Variants in KIF16B observed in about 807,000 individuals in gnomAD.
KIF16B encodes the protein kinesin family member 16B.
A neutral mutation model predicts 156.3 loss-of-function variants in KIF16B; 98 were observed. The ratio of observed to expected loss-of-function variants is 0.63; its 90% CI spans 0.53 to 0.74. KIF16B has a LOEUF of 0.74. Among genes scored for constraint, KIF16B ranks in the 30% least tolerant of loss-of-function variants. The pLI, the probability that KIF16B is intolerant of heterozygous loss-of-function variation, is 0.00. For synonymous variants in KIF16B, 564 were observed against 583.7 expected (o/e 0.97, Z 0.49); for missense variants, 1,421 against 1,606.5 (o/e 0.88, Z 1.97).
At chr20:16,570,165 A>G (rs1316333868) in intron 1 of KIF16B, among the ~76,000 whole-genome samples, 2 of 152,246 alleles carry the variant, frequency 1.3e-5, no homozygotes, top group African/African-American at 4.8e-5. Flanking sequence ...AATTTTGTAT[A>G]TTAAGGTCAC....
chr20:16,309,890 T>G (rs983307056), intron 25 of KIF16B, among the ~76,000 whole-genome samples: 7 of 152,214 alleles, frequency 4.6e-5, no homozygotes, highest in Non-Finnish European at 7.3e-5. Flanking sequence ...AGGAAATATC[T>G]CATTTGTCTT....
At chr20:16,496,968 T>G (rs763299641) in intron 11 of KIF16B, among the ~76,000 whole-genome samples, 35 of 152,258 alleles carry the variant, frequency 2.3e-4, no homozygotes, top group Admixed American at 1.5e-3. Context: ...TGAACAAAAT[T>G]GACTCCAAAA....
chr20:16,562,525 A>G (rs1310542875), intron 1 of KIF16B, among the ~76,000 whole-genome samples: 1 of 152,152 alleles, frequency 6.6e-6, no homozygotes, highest in East Asian at 1.9e-4. Flanking sequence ...TACGGATCCC[A>G]ATCCCTCACG....
At chr20:16,491,344 G>A (rs62199776) in intron 12 of KIF16B, among the ~76,000 whole-genome samples, 1,917 of 152,248 alleles carry the variant, frequency 0.013, 28 homozygotes, top group Middle Eastern at 0.078. Flanking sequence ...GTAGGGGCCA[G>A]GCAAAGAAGT....
intron 12 of KIF16B, among the ~76,000 whole-genome samples, chr20:16,477,010 G>A (rs1445480963): frequency 1.3e-5 from 2 of 152,074 alleles, no homozygotes; most frequent in Non-Finnish European, 2.9e-5. Flanking sequence ...GCCTCCCAAA[G>A]TGCTGGGATT....
chr20:16,515,074 G>A (rs2147079490), intron 4 of KIF16B, among the ~76,000 whole-genome samples: 1 of 151,726 alleles, frequency 6.6e-6, no homozygotes, highest in East Asian at 1.9e-4. Context: ...TTATAAATAT[G>A]TAAATTATAT....
At chr20:16,366,238 G>T (rs1301253113) in intron 22 of KIF16B, among the ~76,000 whole-genome samples, 1 of 152,054 alleles carries the variant, frequency 6.6e-6, no homozygotes, top group East Asian at 1.9e-4. Context: ...GAGAAGGGAG[G>T]CCAGCAAACT....
At position 16,334,445 on chromosome 20, in the gene KIF16B, A is replaced by T. The variant is rs937035203; in HGVS notation, c.3711+1481T>A. On this transcript the variant is annotated intron_variant, in intron 24 of 25. Coordinates refer to ENST00000354981, the MANE Select transcript of KIF16B (RefSeq NM_024704.5). ...TTGATTTTGATGTTATTACTGTTAC[A>T]AGAAGCCTCTTGGGAACAAATTCCC... is the stretch of plus-strand genomic sequence containing the variant. Among the ~76,000 whole-genome samples, 6 of 152,252 alleles carry T rather than the reference A, an allele frequency of 3.9e-5. No individual in the cohort carries two copies. In the East Asian group the frequency reaches 1.2e-3, roughly 29 times the overall value.
intron 17 of KIF16B, among the ~76,000 whole-genome samples, chr20:16,400,324 A>T (rs1415020354): frequency 6.6e-6 from 1 of 152,256 alleles, no homozygotes; most frequent in Admixed American, 6.5e-5. Context: ...ACTGCCTCAC[A>T]CACATTTTGA....
chr20:16,466,518 C>A (rs910888156), intron 12 of KIF16B, among the ~76,000 whole-genome samples: 3 of 152,134 alleles, frequency 2.0e-5, no homozygotes, highest in Non-Finnish European at 4.4e-5. Context: ...ATAAGTCTCA[C>A]GAGATCTGAT....
chr20:16,410,660 TG>T lies in KIF16B; in HGVS notation c.1613-4205del, dbSNP rs2065930845. Among the ~76,000 whole-genome samples the T allele has an allele frequency of 3.3e-5, 5 of 152,224 alleles. No individual in the cohort carries two copies. In the South Asian group the frequency reaches 1.0e-3, roughly 32 times the overall value. On this transcript the variant is annotated intron_variant, in intron 15 of 25. Coordinates refer to ENST00000354981, the MANE Select transcript of KIF16B (RefSeq NM_024704.5). ...AAGGTGCCACTATCTGAGCCACCCA[TG>T]TGGACAATCTGCAGTTGCTTAGCAT...
intron 24 of KIF16B, among the ~76,000 whole-genome samples, chr20:16,331,630 T>C (rs1326550643): frequency 2.0e-5 from 3 of 152,236 alleles, no homozygotes; most frequent in Non-Finnish European, 2.9e-5. Flanking sequence ...AATAGTCTTC[T>C]ACTTCCACAG....
chr20:16,275,114 C>A (rs952777604), intron 25 of KIF16B, among the ~76,000 whole-genome samples: 4 of 147,870 alleles, frequency 2.7e-5, no homozygotes, highest in African/African-American at 1.0e-4. Context: ...AGTGCAGTGG[C>A]GCGATCTCAG....
At chr20:16,559,595 C>A (rs2070983160) in intron 1 of KIF16B, among the ~76,000 whole-genome samples, 1 of 144,520 alleles carries the variant, frequency 6.9e-6, no homozygotes. Flanking sequence ...ATAAGGAGAC[C>A]CCATCTCTAC....
chr20:16,448,839 G>T (rs2067003194), intron 12 of KIF16B, among the ~76,000 whole-genome samples: 1 of 150,852 alleles, frequency 6.6e-6, no homozygotes, highest in South Asian at 2.1e-4. Context: ...GCTAGTCCAA[G>T]AAAACATGAC....
At chr20:16,494,007 G>A (rs991512602) in intron 12 of KIF16B, among the ~76,000 whole-genome samples, 7 of 152,066 alleles carry the variant, frequency 4.6e-5, no homozygotes, top group Admixed American at 2.0e-4. Flanking sequence ...GTTCTAATAT[G>A]TGCTGAGTCA....
At chr20:16,558,428 T>C (rs2070933987) in intron 1 of KIF16B, among the ~76,000 whole-genome samples, 1 of 152,184 alleles carries the variant, frequency 6.6e-6, no homozygotes, top group South Asian at 2.1e-4. Flanking sequence ...GAAGAAGGTG[T>C]GCCTCCTCCA....
Position 16,508,006 on chromosome 20 carries a change from G to A in KIF16B, c.651C>T (p.Asn217=), listed in dbSNP as rs367614892. The change falls in exon 7 of 26, where the codon AAC becomes AAT. Residue 217 remains asparagine, a synonymous_variant. Coordinates refer to ENST00000354981, the MANE Select transcript of KIF16B (RefSeq NM_024704.5). ...INRTTAATGM[N]DVSSRSHAIF... ...TGGCATGAGACCTGCTACTGACGTC[G>A]TTCATCCCAGTCGCTGCGGTGGTCC... 2.5e-5 allele frequency: 41 copies of A among 1,613,978 alleles called. No individual in the cohort carries two copies. Among genetic ancestry groups the A allele is most frequent in the African/African-American group, 9.3e-5 (7 of 74,898 alleles).
intron 24 of KIF16B, among the ~76,000 whole-genome samples, chr20:16,335,449 C>A (rs966778455): frequency 6.6e-6 from 1 of 152,182 alleles, no homozygotes; most frequent in African/African-American, 2.4e-5. Flanking sequence ...TTCTATCTAC[C>A]TTTCCCTCTA....
Sources: allele counts gnomAD v4.1 joint callset (sites outside exome capture counted in the v4.1 genomes callset), GRCh38; gene constraint gnomAD v4.1.1; transcripts MANE v1.5; gene names NCBI Gene and HGNC (gene_info 2026-07-23, HGNC 2026-07-21).